INSL6: variants seen among roughly 807,000 people sequenced by gnomAD.
The protein encoded by INSL6 is insulin like 6, also known as insulin-like peptide INSL6.
Under a neutral mutation model 9.4 loss-of-function variants are expected in INSL6, and 16 were observed. The observed-to-expected ratio is 1.70, with a 90% CI of 1.15 to 2.59. The LOEUF is 2.59. Ranked by LOEUF, INSL6 falls within the 30% of genes most tolerant of loss-of-function variation. The pLI is 0.00. For missense variants in INSL6, 391 were observed against 257.3 expected, an observed-to-expected ratio of 1.52 and a Z score of -3.56; for synonymous variants, 154 against 96.9, an observed-to-expected ratio of 1.59 and a Z score of -3.46.
the INSL6 span, among the ~76,000 whole-genome samples, chr9:5,087,256 T>G: frequency 2.0e-5 from 3 of 152,178 alleles, no homozygotes; most frequent in Admixed American, 2.0e-4. Flanking sequence ...AGAAGGCACC[T>G]CTTCACAGGG....
chr9:5,178,035 C>T (rs1825352440), intron 1 of INSL6, among the ~76,000 whole-genome samples: 1 of 152,172 alleles, frequency 6.6e-6, no homozygotes, highest in East Asian at 1.9e-4. Flanking sequence ...GCCACCATGC[C>T]TAGCTAATTT....
At chr9:5,161,147 G>A (rs1223425489), downstream of INSL6, among the ~76,000 whole-genome samples, 1 of 152,068 alleles carries the variant, frequency 6.6e-6, no homozygotes, top group Non-Finnish European at 1.5e-5. Flanking sequence ...GAAAACTACA[G>A]GCCATTATCT....
chr9:5,182,781 G>C (rs72701668), intron 1 of INSL6, among the ~76,000 whole-genome samples: 1 of 151,976 alleles, frequency 6.6e-6, no homozygotes, highest in African/African-American at 2.4e-5. Flanking sequence ...CTAATATCTC[G>C]GAAGCACAAT....
At chr9:5,073,210 T>G in the INSL6 span, among the ~76,000 whole-genome samples, 1 of 152,234 alleles carries the variant, frequency 6.6e-6, no homozygotes, top group Non-Finnish European at 1.5e-5. Flanking sequence ...GATTCACTAA[T>G]CATACCCAGG....
At chr9:5,038,845 G>T in the INSL6 span, among the ~76,000 whole-genome samples, 1 of 152,170 alleles carries the variant, frequency 6.6e-6, no homozygotes, top group African/African-American at 2.4e-5. Flanking sequence ...TACAAGGCTA[G>T]TGTAACTTCC....
At chr9:5,163,358 G>C (rs557631656), downstream of INSL6, among the ~76,000 whole-genome samples, 1 of 152,306 alleles carries the variant, frequency 6.6e-6, no homozygotes, top group African/African-American at 2.4e-5. Context: ...AGAGATTTTA[G>C]TTTAGATTCA....
At chr9:5,183,237 T>C (rs1825497044) in intron 1 of INSL6, among the ~76,000 whole-genome samples, 1 of 152,216 alleles carries the variant, frequency 6.6e-6, no homozygotes, top group African/African-American at 2.4e-5. Context: ...TTTAAAATTA[T>C]AATACAATTC....
intron 3 of INSL6, among the ~76,000 whole-genome samples, chr9:5,132,621 A>G (rs1189371745): frequency 1.3e-5 from 2 of 152,144 alleles, no homozygotes; most frequent in African/African-American, 2.4e-5. Flanking sequence ...TCACCCATCA[A>G]TACTGACAGT....
chr9:5,010,568 G>A, the INSL6 span, among the ~76,000 whole-genome samples: 5 of 152,102 alleles, frequency 3.3e-5, no homozygotes, highest in Non-Finnish European at 7.4e-5. Flanking sequence ...TGATTCACCC[G>A]CCTCGGCCTC....
At chr9:4,998,439 T>C in the INSL6 span, among the ~76,000 whole-genome samples, 2 of 152,104 alleles carry the variant, frequency 1.3e-5, no homozygotes, top group Admixed American at 1.3e-4. Context: ...GTATTTTTAG[T>C]AGAGACGGGG....
At chr9:5,125,226 C>T (rs1465928474) in intron 3 of INSL6, among the ~76,000 whole-genome samples, 1 of 150,702 alleles carries the variant, frequency 6.6e-6, no homozygotes, top group African/African-American at 2.4e-5. Flanking sequence ...GTATATAAAA[C>T]TTTTATAACT....
downstream of INSL6, among the ~76,000 whole-genome samples, chr9:5,119,038 CTA>C (rs1447056103): frequency 2.0e-5 from 3 of 152,072 alleles, no homozygotes; most frequent in Non-Finnish European, 4.4e-5. Context: ...AAAAAACAGA[CTA>C]TTATTAATAC....
the INSL6 span, among the ~76,000 whole-genome samples, chr9:5,040,230 G>A: frequency 3.3e-5 from 5 of 152,120 alleles, no homozygotes; most frequent in South Asian, 2.1e-4. Flanking sequence ...CTAACAGTGC[G>A]GGGACAACTG....
In INSL6 at chr9:5,136,565, C is replaced by A. The variant is rs558159360; in HGVS notation, c.377-2973G>T. Among the ~76,000 whole-genome samples, 12 of 152,284 alleles carry A rather than the reference C, an allele frequency of 7.9e-5. No individual in the cohort carries two copies. The South Asian group carries it at 1.5e-3, about 18-fold the overall frequency. ...TGCAGAAAAGGCCTTTGACAAAATT[C>A]TACAGCCCTTCATGCTAAAAAGTCT... On this transcript the variant is annotated intron_variant, in intron 2 of 3. Transcript: ENST00000649639.
At chr9:5,040,296 A>G in the INSL6 span, among the ~76,000 whole-genome samples, 1 of 152,076 alleles carries the variant, frequency 6.6e-6, no homozygotes, top group Non-Finnish European at 1.5e-5. Context: ...TATATACAAA[A>G]AAAAAAAGCT....
At chr9:5,066,086 A>G in the INSL6 span, among the ~76,000 whole-genome samples, 13 of 152,146 alleles carry the variant, frequency 8.5e-5, no homozygotes, top group Non-Finnish European at 1.8e-4. Flanking sequence ...ATTGGTTTGT[A>G]TATTAGAAAT....
intron 2 of INSL6, among the ~76,000 whole-genome samples, chr9:5,152,911 C>T (rs1386957028): frequency 1.3e-5 from 2 of 152,278 alleles, no homozygotes; most frequent in Non-Finnish European, 2.9e-5. Flanking sequence ...AGCTGAAGCA[C>T]AGTGGAGCGT....
At chr9:5,078,677 CTAAT>C in the INSL6 span, among the ~76,000 whole-genome samples, 3 of 152,066 alleles carry the variant, frequency 2.0e-5, no homozygotes, top group Non-Finnish European at 4.4e-5. Flanking sequence ...GTTTTAATCT[CTAAT>C]TATGTATGAA....
the INSL6 span, chr9:5,064,841 A>C: frequency 6.3e-6 from 9 of 1,418,198 alleles, no homozygotes; most frequent in Non-Finnish European, 7.5e-6. Flanking sequence ...CATGGAGTTG[A>C]CTTTCTAAAA....
Sources: allele counts gnomAD v4.1 joint callset (sites outside exome capture counted in the v4.1 genomes callset), GRCh38; gene constraint gnomAD v4.1.1; transcripts MANE v1.5; gene names NCBI Gene and HGNC (gene_info 2026-07-23, HGNC 2026-07-21).